The following RPTOR variants were observed in gnomAD, a reference collection of about 807,000 sequenced individuals.
RPTOR encodes the protein regulatory associated protein of MTOR complex 1.
A neutral mutation model predicts 169.9 loss-of-function variants in RPTOR; 21 were observed. That is an observed-to-expected ratio of 0.12 (90% CI 0.09 to 0.18). The LOEUF (loss-of-function observed/expected upper bound fraction) is 0.18, where lower values mean the gene tolerates loss of function less well. RPTOR is among the 10% of genes least tolerant of loss of function. RPTOR has a pLI of 1.00. For missense variants in RPTOR, 1,133 were observed against 1,855.9 expected (o/e 0.61, Z 7.16); for synonymous variants, 732 against 753.2 (o/e 0.97, Z 0.46).
At chr17:80,836,264 CCT>C (rs1445970568) in intron 9 of RPTOR, among the ~76,000 whole-genome samples, 3 of 152,240 alleles carry the variant, frequency 2.0e-5, no homozygotes, top group African/African-American at 7.2e-5. Context: ...TCTTTTCTTC[CCT>C]CTCTCCTTCT....
intron 7 of RPTOR, among the ~76,000 whole-genome samples, chr17:80,818,662 T>C (rs2067348406): frequency 6.6e-6 from 1 of 152,208 alleles, no homozygotes; most frequent in South Asian, 2.1e-4. Flanking sequence ...GTTCATCGAC[T>C]TGAATGATTT....
At chr17:80,912,731 A>C (rs1233619908) in intron 21 of RPTOR, among the ~76,000 whole-genome samples, 1 of 152,186 alleles carries the variant, frequency 6.6e-6, no homozygotes, top group African/African-American at 2.4e-5. Flanking sequence ...AAGGCAGTTA[A>C]GCACCTGCGT....
intron 7 of RPTOR, among the ~76,000 whole-genome samples, chr17:80,815,485 C>A (rs1889725692): frequency 6.6e-6 from 1 of 152,228 alleles, no homozygotes; most frequent in Non-Finnish European, 1.5e-5. Context: ...AGGGCCCAGC[C>A]CCGTGTCCAC....
intron 1 of RPTOR, among the ~76,000 whole-genome samples, chr17:80,556,563 G>A (rs2084410845): frequency 6.6e-6 from 1 of 152,160 alleles, no homozygotes; most frequent in Admixed American, 6.5e-5. Context: ...AGAGGCGGCT[G>A]CAGTAGGAAT....
Position 80,964,524 on chromosome 17 carries a change from A to G in RPTOR, c.*194A>G, listed in dbSNP as rs1568015885. ...CGCTGTCGTGTCTGGAATGTCAGGG[A>G]AGGGGAGGGCTCGGGTTGACGGTGG... On this transcript the variant is annotated 3_prime_UTR_variant, in exon 34 of 34. Transcript: ENST00000306801. The G allele has an allele frequency of 3.9e-5, 24 of 615,728 alleles. No individual in the cohort carries two copies. In the East Asian group the frequency reaches 6.7e-4, roughly 17 times the overall value. The allele number at this position is 615,728 out of a possible 1,614,324, so 38.1% of individuals were successfully genotyped here.
chr17:80,711,632 C>T (rs1245831954), intron 4 of RPTOR, among the ~76,000 whole-genome samples: 12 of 151,326 alleles, frequency 7.9e-5, no homozygotes, highest in African/African-American at 1.2e-4. Context: ...GTTCCTTATG[C>T]GTTTTTAGTT....
intron 7 of RPTOR, among the ~76,000 whole-genome samples, chr17:80,792,605 C>T (rs2067060057): frequency 1.3e-5 from 2 of 152,096 alleles, no homozygotes; most frequent in Non-Finnish European, 2.9e-5. Flanking sequence ...CCAAACAGTG[C>T]AAGCTGTGAC....
intron 2 of RPTOR, among the ~76,000 whole-genome samples, chr17:80,629,212 A>C (rs77388587): frequency 1.0e-5 from 1 of 99,614 alleles, no homozygotes; most frequent in Admixed American, 1.1e-4. Context: ...TGTCGGACAT[A>C]GTACCACAGC....
rs1030777335 is a variant in RPTOR, at chr17:80,578,405, G to A, written c.162+32614G>A. Among the ~76,000 whole-genome samples the A allele has an allele frequency of 7.2e-5, 11 of 152,312 alleles. No homozygotes were observed. In the South Asian group the frequency reaches 8.3e-4, roughly 11 times the overall value. On this transcript the variant is annotated intron_variant, in intron 1 of 33. Transcript: ENST00000306801. ...AGGGAACACAGGGTATCTTGCAGTC[G>A]TGATTTCTGATCAACACAAGCTGTC...
chr17:80,787,653 T>A (rs888760820), intron 6 of RPTOR, among the ~76,000 whole-genome samples: 1 of 152,224 alleles, frequency 6.6e-6, no homozygotes, highest in Non-Finnish European at 1.5e-5. Context: ...GGAGACAGCC[T>A]ATGATCCACA....
chr17:80,956,771 G>A (rs2069255736), intron 28 of RPTOR, among the ~76,000 whole-genome samples: 1 of 152,036 alleles, frequency 6.6e-6, no homozygotes, highest in Non-Finnish European at 1.5e-5. Flanking sequence ...GGAAGGCACT[G>A]CTCCGGATGT....
chr17:80,857,800 T>C lies in RPTOR; in HGVS notation c.1409T>C (p.Val470Ala). 1 of 1,610,058 alleles carries C rather than the reference T, an allele frequency of 6.2e-7. No individual in the cohort carries two copies. ...CTCCCTCGCCCCCAGGCCTTGTCTG[T>C]CGGCATCTTCCCCTACGTGCTGAAG... ...GPWAVSLALS[V>A]GIFPYVLKLL... is the part of the protein sequence containing the mutation. Residue 470 changes from valine to alanine, a missense_variant, in exon 13 of 34, where the codon GTC becomes GCC. By Grantham distance (64) the Val-to-Ala change is moderately conservative. Coordinates refer to ENST00000306801, the MANE Select transcript of RPTOR (RefSeq NM_020761.3).
chr17:80,555,499 G>T (rs557843467), intron 1 of RPTOR, among the ~76,000 whole-genome samples: 1 of 152,208 alleles, frequency 6.6e-6, no homozygotes, highest in Non-Finnish European at 1.5e-5. Flanking sequence ...TGGCAAGGAG[G>T]AGGTGGCCAG....
chr17:80,928,654 C>T (rs1290441311), intron 24 of RPTOR, among the ~76,000 whole-genome samples: 1 of 152,212 alleles, frequency 6.6e-6, no homozygotes, highest in African/African-American at 2.4e-5. Context: ...CTGCGGCTCA[C>T]CTTTGATTGG....
At chr17:80,692,278 CG>C (rs2065999034) in intron 3 of RPTOR, among the ~76,000 whole-genome samples, 41 of 145,484 alleles carry the variant, frequency 2.8e-4, no homozygotes, top group African/African-American at 1.0e-3. Context: ...TGTCTGGCTA[CG>C]TTATGTTATG....
At chr17:80,696,272 G>A (rs1033529230) in intron 3 of RPTOR, among the ~76,000 whole-genome samples, 1 of 152,128 alleles carries the variant, frequency 6.6e-6, no homozygotes, top group African/African-American at 2.4e-5. Context: ...ACACAGAATG[G>A]CATCTTATTA....
chr17:80,594,440 A>G (rs1291126917), intron 1 of RPTOR, among the ~76,000 whole-genome samples: 3 of 152,228 alleles, frequency 2.0e-5, no homozygotes, highest in Non-Finnish European at 4.4e-5. Flanking sequence ...TGAGTTCGAT[A>G]CCAGCGTTTC....
At chr17:80,767,313 C>T (rs1254016074) in intron 6 of RPTOR, among the ~76,000 whole-genome samples, 2 of 152,128 alleles carry the variant, frequency 1.3e-5, no homozygotes, top group Non-Finnish European at 2.9e-5. Context: ...CTGTAGTGAG[C>T]AGTGCAGTGA....
At chr17:80,797,197 G>A (rs190900521) in intron 7 of RPTOR, among the ~76,000 whole-genome samples, 232 of 152,208 alleles carry the variant, frequency 1.5e-3, no homozygotes, top group Non-Finnish European at 2.4e-3. Flanking sequence ...CAGTGGTGCC[G>A]TCTCAGCTCA....
Sources: gnomAD v4.1 joint callset for allele counts (sites outside exome capture counted in the v4.1 genomes callset) on GRCh38, gnomAD v4.1.1 for gene constraint, MANE v1.5 for transcripts, NCBI Gene and HGNC (gene_info 2026-07-23, HGNC 2026-07-21) for gene names.